The following PTPN5 variants were observed in gnomAD, a reference collection of about 807,000 sequenced individuals.
The protein encoded by PTPN5 is protein tyrosine phosphatase non-receptor type 5.
Under a neutral mutation model 73.9 loss-of-function variants are expected in PTPN5, and 29 were observed. The observed-to-expected ratio is 0.39, with a 90% CI of 0.29 to 0.54. The LOEUF (loss-of-function observed/expected upper bound fraction) is 0.54. PTPN5 is among the 20% of genes least tolerant of loss of function. The pLI is 0.65. For missense variants in PTPN5, 652 were observed against 751.4 expected (o/e 0.87, Z 1.55); for synonymous variants, 267 against 304.7 (o/e 0.88, Z 1.29).
chr11:18,740,954 C>T (rs554660235), intron 7 of PTPN5, among the ~76,000 whole-genome samples, 162 bp from the exon 8 acceptor site: 3 of 152,108 alleles, frequency 2.0e-5, no homozygotes, highest in East Asian at 1.9e-4. Flanking sequence ...GACAAAGAAG[C>T]GTGAATCTCA....
intron 3 of PTPN5, among the ~76,000 whole-genome samples, chr11:18,750,217 CACA>C (rs1427814837): frequency 6.6e-6 from 1 of 152,216 alleles, no homozygotes; most frequent in Non-Finnish European, 1.5e-5. Flanking sequence ...ATTTAATCCT[CACA>C]ACAATCCCAG....
Position 18,770,351 on chromosome 11 carries a change from T to C in PTPN5, c.20+1588A>G, listed in dbSNP as rs116348508. Among the ~76,000 whole-genome samples, 652 of 152,350 alleles carry C rather than the reference T, an allele frequency of 4.3e-3. 5 individuals carry two copies. Among genetic ancestry groups the C allele is most frequent in the African/African-American group, 0.015 (623 of 41,584 alleles). On this transcript the variant is annotated intron_variant, in intron 2 of 14. Coordinates refer to ENST00000358540, the MANE Select transcript of PTPN5 (RefSeq NM_006906.2). ...ACGGCTTATTTGCTTTCTGTCTCTA[T>C]GGGTTTGCCTATTCTGGATATTTCA... is the stretch of plus-strand genomic sequence containing the variant.
chr11:18,751,455 G>T (rs1849884366), intron 3 of PTPN5, among the ~76,000 whole-genome samples: 1 of 152,212 alleles, frequency 6.6e-6, no homozygotes, highest in Non-Finnish European at 1.5e-5. Flanking sequence ...AAGCAAACAG[G>T]TGGTGGATTT....
Position 18,728,576 on chromosome 11 carries a change from T to C in PTPN5, c.*358A>G, listed in dbSNP as rs1430546242. ...GTCCGGTACAGAGGGCAGAGATGGA[T>C]GGACAGACAGAACACATTGCAGCAG... On this transcript the variant is annotated 3_prime_UTR_variant, in exon 15 of 15. Coordinates refer to ENST00000358540, the MANE Select transcript of PTPN5 (RefSeq NM_006906.2). This position sits in a 1 kb window ranked among gnomAD's most constrained non-coding sequence, Gnocchi z 4.1. 2 of 204,536 alleles carry C rather than the reference T, an allele frequency of 9.8e-6. No individual in the cohort carries two copies. The highest frequency in any genetic ancestry group is 2.0e-5 in the Non-Finnish European group (2 of 102,374). 12.7% of individuals were successfully genotyped at this position (204,536 alleles called of 1,614,324 possible). A position where few individuals can be genotyped will look rare whatever the true frequency, so the allele number is the denominator to read the frequency against.
At chr11:18,770,650 G>A (rs1317364953) in intron 2 of PTPN5, among the ~76,000 whole-genome samples, 1 of 152,164 alleles carries the variant, frequency 6.6e-6, no homozygotes, top group Non-Finnish European at 1.5e-5. Context: ...TGTGGTTTTG[G>A]GCAATCCTTT....
At chr11:18,788,197 C>A (rs1851756157) in intron 1 of PTPN5, among the ~76,000 whole-genome samples, 1 of 152,172 alleles carries the variant, frequency 6.6e-6, no homozygotes, top group South Asian at 2.1e-4. Context: ...ACCCCCAGTC[C>A]ATACTCTCTT....
Position 18,742,218 on chromosome 11 carries a change from A to C in PTPN5, c.725+44T>G, listed in dbSNP as rs201105324. On this transcript the variant is annotated intron_variant, in intron 7 of 14. Coordinates refer to ENST00000358540, the MANE Select transcript of PTPN5 (RefSeq NM_006906.2). The surrounding 1 kb of genome is among the most constrained non-coding windows in gnomAD (Gnocchi z 4.1). ...TCCACTCTTCTGATCAGGAGCTAAG[A>C]GCTCAAGGGCCCGTGGAGCCCACCC... The C allele has an allele frequency of 1.2e-6, 2 of 1,609,722 alleles. No homozygotes were observed. Among genetic ancestry groups the C allele is most frequent in the Non-Finnish European group, 1.7e-6 (2 of 1,177,232 alleles).
intron 2 of PTPN5, among the ~76,000 whole-genome samples, chr11:18,769,739 G>C (rs1358769117): frequency 6.6e-6 from 1 of 152,174 alleles, no homozygotes; most frequent in African/African-American, 2.4e-5. Flanking sequence ...TTAGGTGAAT[G>C]GGGGGTTGGG....
chr11:18,742,892 C>T lies in PTPN5; in HGVS notation c.483+100G>A. The T allele has an allele frequency of 1.2e-6, 1 of 839,996 alleles. No homozygotes were observed. Among genetic ancestry groups the T allele is most frequent in the Non-Finnish European group, 1.9e-6 (1 of 513,778 alleles). The allele number at this position is 839,996 out of a possible 1,614,324, so 52.0% of individuals were successfully genotyped here. On this transcript the variant is annotated intron_variant, in intron 6 of 14. Transcript: ENST00000358540. The surrounding 1 kb of genome is among the most constrained non-coding windows in gnomAD (Gnocchi z 4.1). The stretch of plus-strand genomic sequence containing the variant: ...AGATAGGTATCCCTCCTTGCCCCAC[C>T]CAGAATGTCCAGCCTATAAGTCAGA...
intron 1 of PTPN5, among the ~76,000 whole-genome samples, chr11:18,784,018 T>C (rs1851558773): frequency 6.6e-6 from 1 of 152,196 alleles, no homozygotes; most frequent in Non-Finnish European, 1.5e-5. Flanking sequence ...GTTTTTAAAT[T>C]AACAGCTTCT....
chr11:18,732,650 A>T lies in PTPN5; in HGVS notation c.1271T>A (p.Ile424Asn). The T allele has an allele frequency of 6.2e-7, 1 of 1,613,836 alleles. No homozygotes were observed. The highest frequency in any genetic ancestry group is 1.1e-5 in the South Asian group (1 of 91,062). ...CGTGTGAATGACTTTCTGCACAGTG[A>T]TCTCAACACCGTCGTACGCCACCTG... is the stretch of plus-strand genomic sequence containing the variant. ...EEQVAYDGVE[I>N]TVQKVIHTED... The change falls in exon 12 of 15, where the codon ATC (isoleucine) becomes AAC (asparagine). Residue 424 changes from isoleucine (I) to asparagine (N), a missense_variant. Ile to Asn is a moderately radical substitution (Grantham distance 149). This residue lies in a region of PTPN5 where 529 missense variants were observed against 573.9 expected (regional missense o/e 0.92). Transcript: ENST00000358540.
chr11:18,767,719 C>G (rs1045118921), intron 2 of PTPN5, among the ~76,000 whole-genome samples: 1 of 152,238 alleles, frequency 6.6e-6, no homozygotes, highest in African/African-American at 2.4e-5. Flanking sequence ...CCTCAGAACT[C>G]AACGTTTATC....
Position 18,756,332 on chromosome 11 carries a change from C to T in PTPN5, c.97+9475G>A, listed in dbSNP as rs543429604. On this transcript the variant is annotated intron_variant, in intron 3 of 14. Coordinates refer to ENST00000358540, the MANE Select transcript of PTPN5 (RefSeq NM_006906.2). Reference sequence around the variant, plus strand: ...TTTTTTTTGAGACAGATTCTCACTCCGTCACCCAAGCTGGAGTGCAGTGGC... The same window carrying T: ...TTTTTTTTGAGACAGATTCTCACTCTGTCACCCAAGCTGGAGTGCAGTGGC... Among the ~76,000 whole-genome samples the T allele has an allele frequency of 4.8e-5, 7 of 146,540 alleles. No homozygotes were observed. In the South Asian group the frequency reaches 1.1e-3, roughly 24 times the overall value.
chr11:18,776,685 T>C (rs1239164864), intron 1 of PTPN5, among the ~76,000 whole-genome samples: 38 of 152,218 alleles, frequency 2.5e-4, no homozygotes, highest in Admixed American at 2.5e-3. Context: ...AGTTGGTATG[T>C]TGCAGAACCA....
rs926983559 is a variant in PTPN5, at chr11:18,774,213, T to A, written c.-113-2142A>T. ...GATGGCGGTGAAGATCACCAGTGAA[T>A]GAGAAAGGTGAATGTTGACTATCAT... On this transcript the variant is annotated intron_variant, in intron 1 of 14. Coordinates refer to ENST00000358540, the MANE Select transcript of PTPN5 (RefSeq NM_006906.2). 2.0e-5 allele frequency among the ~76,000 whole-genome samples: 3 copies of A among 152,130 alleles called. No individual in the cohort carries two copies. In the South Asian group the frequency reaches 6.2e-4, roughly 32 times the overall value.
intron 3 of PTPN5, among the ~76,000 whole-genome samples, chr11:18,759,733 GAAATAA>G (rs1267764270): frequency 7.6e-6 from 1 of 131,314 alleles, no homozygotes; most frequent in Non-Finnish European, 1.6e-5. Context: ...ATTCAACAAA[GAAATAA>G]AAATCAACAG....
At chr11:18,751,016 G>A (rs918757703) in intron 3 of PTPN5, among the ~76,000 whole-genome samples, 1 of 152,194 alleles carries the variant, frequency 6.6e-6, no homozygotes, top group Non-Finnish European at 1.5e-5. Flanking sequence ...AGGAGGTACT[G>A]CTAGAGGAAC....
At chr11:18,736,016 G>A (rs1336687155) in intron 9 of PTPN5, among the ~76,000 whole-genome samples, 2 of 152,210 alleles carry the variant, frequency 1.3e-5, no homozygotes, top group Non-Finnish European at 2.9e-5. Context: ...TTATGTCAAT[G>A]TAGTCTATGT....
chr11:18,781,591 A>G (rs1851434450), intron 1 of PTPN5, among the ~76,000 whole-genome samples: 1 of 152,142 alleles, frequency 6.6e-6, no homozygotes, highest in African/African-American at 2.4e-5. Flanking sequence ...CTGGGATTAC[A>G]GCCATGAGCC....
Sources: allele counts gnomAD v4.1 joint callset (sites outside exome capture counted in the v4.1 genomes callset), GRCh38; gene constraint gnomAD v4.1.1; regional missense constraint gnomAD v4.1.1; non-coding constraint Gnocchi (gnomAD v3.1); transcripts MANE v1.5; gene names NCBI Gene and HGNC (gene_info 2026-07-23, HGNC 2026-07-21).